PHF24: variants seen among roughly 807,000 people sequenced by gnomAD.
The protein encoded by PHF24 is PHD finger protein 24.
In PHF24, 25 loss-of-function variants were observed where a neutral mutation model predicts 42.6. The ratio of observed to expected loss-of-function variants is 0.59; its 90% CI spans 0.43 to 0.82. The LOEUF is 0.82. PHF24 is among the 40% of genes least tolerant of loss of function. The pLI, the probability that PHF24 is intolerant of heterozygous loss-of-function variation, is 0.00. For missense variants in PHF24, 470 were observed against 538.1 expected, an observed-to-expected ratio of 0.87 and a Z score of 1.25; for synonymous variants, 185 against 204.8, an observed-to-expected ratio of 0.90 and a Z score of 0.83.
At chr9:34,747,289 G>A in the PHF24 span, among the ~76,000 whole-genome samples, 1 of 152,042 alleles carries the variant, frequency 6.6e-6, no homozygotes, top group Non-Finnish European at 1.5e-5. Context: ...AGTGGCCTGT[G>A]CCTATAGTTT....
exon 5 of PHF24, chr9:34,976,600 G>T (rs1323412307): frequency 6.2e-7 from 1 of 1,614,198 alleles, no homozygotes; most frequent in Admixed American, 1.7e-5. Context: ...GGGGGACCGT[G>T]ACAGGGCCCT....
At chr9:34,878,794 C>T in the PHF24 span, among the ~76,000 whole-genome samples, 1 of 152,188 alleles carries the variant, frequency 6.6e-6, no homozygotes, top group South Asian at 2.1e-4. Flanking sequence ...GGGGGCAGGG[C>T]ATAGCAGAAT....
chr9:34,962,311 A>G (rs981219362), intron 1 of PHF24, among the ~76,000 whole-genome samples: 5 of 150,518 alleles, frequency 3.3e-5, no homozygotes, highest in African/African-American at 4.9e-5. Context: ...TGGAGTCCCC[A>G]TATAGCTCCA....
chr9:34,842,880 C>A, the PHF24 span, among the ~76,000 whole-genome samples: 1 of 152,152 alleles, frequency 6.6e-6, no homozygotes, highest in Non-Finnish European at 1.5e-5. Flanking sequence ...TCTTTGTCAA[C>A]CCTTGGTACA....
chr9:34,914,016 T>C, the PHF24 span, among the ~76,000 whole-genome samples: 1 of 152,284 alleles, frequency 6.6e-6, no homozygotes, highest in East Asian at 1.9e-4. Flanking sequence ...TTTAGAGTTA[T>C]TTGGCTTTAT....
At chr9:34,696,403 G>A in the PHF24 span, among the ~76,000 whole-genome samples, 43 of 149,796 alleles carry the variant, frequency 2.9e-4, no homozygotes, top group South Asian at 7.6e-3. Flanking sequence ...CAGGAGAATC[G>A]CTTTAACCCG....
At chr9:34,965,785 G>A (rs760348843) in intron 1 of PHF24, among the ~76,000 whole-genome samples, 1 of 152,152 alleles carries the variant, frequency 6.6e-6, no homozygotes, top group Non-Finnish European at 1.5e-5. Context: ...TAACTGGCTG[G>A]TCTTTGTTCA....
chr9:34,699,180 A>G, the PHF24 span, among the ~76,000 whole-genome samples: 2 of 152,388 alleles, frequency 1.3e-5, no homozygotes, highest in South Asian at 4.1e-4. Flanking sequence ...AAGCATGGCC[A>G]GATGGCTTGG....
At chr9:34,840,280 C>T in the PHF24 span, among the ~76,000 whole-genome samples, 1 of 152,156 alleles carries the variant, frequency 6.6e-6, no homozygotes, top group Non-Finnish European at 1.5e-5. Context: ...TTCCCTCAGT[C>T]AATCACTTCT....
the PHF24 span, among the ~76,000 whole-genome samples, chr9:34,705,387 G>C: frequency 8.5e-5 from 13 of 152,306 alleles, no homozygotes; most frequent in Non-Finnish European, 1.5e-4. Flanking sequence ...CCAGGCTCAA[G>C]TGATCCTCCC....
At chr9:34,702,084 A>T in the PHF24 span, among the ~76,000 whole-genome samples, 6 of 152,128 alleles carry the variant, frequency 3.9e-5, no homozygotes, top group Non-Finnish European at 8.8e-5. Flanking sequence ...GGGCTGGAGG[A>T]TGAAGGGCTA....
At chr9:34,783,745 A>G in the PHF24 span, among the ~76,000 whole-genome samples, 2 of 152,366 alleles carry the variant, frequency 1.3e-5, no homozygotes, top group African/African-American at 4.8e-5. Context: ...AGAAAATGTA[A>G]TACTGCATTG....
At chr9:34,970,296 A>C (rs1458807871) in intron 1 of PHF24, among the ~76,000 whole-genome samples, 2 of 152,188 alleles carry the variant, frequency 1.3e-5, no homozygotes, top group Non-Finnish European at 2.9e-5. Flanking sequence ...TTACTTTTTA[A>C]CCTGTAAAGG....
the PHF24 span, among the ~76,000 whole-genome samples, chr9:34,828,946 T>TATATCTATATCTATATCTATATCTATA: frequency 6.6e-6 from 1 of 152,082 alleles, no homozygotes; most frequent in African/African-American, 2.4e-5. Context: ...TATCTATATC[T>TATATCTATATCTATATCTATATCTATA]ATGTCTGTCT....
chr9:34,871,510 C>T, the PHF24 span, among the ~76,000 whole-genome samples: 1 of 152,162 alleles, frequency 6.6e-6, no homozygotes, highest in African/African-American at 2.4e-5. Context: ...AAAAAGTCAT[C>T]ATCATACCCA....
chr9:34,916,493 G>A, the PHF24 span, among the ~76,000 whole-genome samples: 1 of 152,214 alleles, frequency 6.6e-6, no homozygotes, highest in Non-Finnish European at 1.5e-5. Flanking sequence ...ATGTAGTGAA[G>A]ACAATCATCT....
the PHF24 span, among the ~76,000 whole-genome samples, chr9:34,693,956 G>T: frequency 6.6e-6 from 1 of 151,708 alleles, no homozygotes; most frequent in Non-Finnish European, 1.5e-5. Context: ...CCTAAGTTTT[G>T]TTTATCCAGA....
the PHF24 span, among the ~76,000 whole-genome samples, chr9:34,890,763 G>A: frequency 6.6e-6 from 1 of 152,328 alleles, no homozygotes; most frequent in South Asian, 2.1e-4. Flanking sequence ...TGTATCTCAA[G>A]GAATTTATTT....
At chr9:34,809,053 T>TA in the PHF24 span, among the ~76,000 whole-genome samples, 32 of 148,484 alleles carry the variant, frequency 2.2e-4, no homozygotes, top group South Asian at 3.8e-3. This position sits in a 1 kb window ranked among gnomAD's most constrained non-coding sequence, Gnocchi z 4.1. Flanking sequence ...AAAAAAATAA[T>TA]AAATAAATAA....
Sources: allele counts gnomAD v4.1 joint callset (sites outside exome capture counted in the v4.1 genomes callset), GRCh38; gene constraint gnomAD v4.1.1; non-coding constraint Gnocchi (gnomAD v3.1); transcripts MANE v1.5; gene names NCBI Gene and HGNC (gene_info 2026-07-23, HGNC 2026-07-21).